Variants in CYP2S1 observed in about 807,000 individuals in gnomAD.
The protein encoded by CYP2S1 is cytochrome P450 2S1.
A neutral mutation model predicts 43.5 loss-of-function variants in CYP2S1; 32 were observed. The ratio of observed to expected loss-of-function variants is 0.74; its 90% confidence interval spans 0.56 to 0.99. CYP2S1 has a LOEUF of 0.99. Ranked by LOEUF, CYP2S1 falls within the 50% of genes least tolerant of loss-of-function variation. The pLI is 0.00. For synonymous variants in CYP2S1, 283 were observed against 302.9 expected (o/e 0.93, Z 0.68); for missense variants, 575 against 673.9 (o/e 0.85, Z 1.62).
rs765304354 is a variant in CYP2S1 at position 41,198,752 on chromosome 19, C to A, written c.698C>A (p.Pro233His). The A allele has an allele frequency of 1.2e-6, 2 of 1,614,096 alleles. No homozygotes were observed. Among genetic ancestry groups the A allele is most frequent in the Non-Finnish European group, 1.7e-6 (2 of 1,180,038 alleles). The change falls in exon 5 of 9, where the codon CCC (proline) becomes CAC (histidine). Residue 233 changes from proline (P) to histidine (H), a missense_variant. This residue lies in a region of CYP2S1 where 353 missense variants were observed against 367.6 expected (regional missense o/e 0.96). Coordinates refer to ENST00000310054, the MANE Select transcript of CYP2S1 (RefSeq NM_030622.8). The surrounding 1 kb of genome is among the most constrained non-coding windows in gnomAD (Gnocchi z 4.9). ...FSWFLRPLPG[P>H]HKQLLHHVST... ...TGGTTCCTGCGGCCCCTGCCAGGCC[C>A]CCACAAGCAGCTCCTCCACCACGTC... is the stretch of plus-strand genomic sequence containing the variant.
rs2033589043 is a variant in CYP2S1 at position 41,206,893 on chromosome 19, C to T, written c.*405C>T. The stretch of plus-strand genomic sequence containing the variant: ...TCACACGCCCTCTCCATTCATCGAA[C>T]TTCTCAGTGTCCCTGTCCCTGGTGC... On this transcript the variant is annotated 3_prime_UTR_variant, in exon 9 of 9. Transcript: ENST00000310054. 1 of 421,574 alleles carries T rather than the reference C, an allele frequency of 2.4e-6. No individual in the cohort carries two copies. The highest frequency in any genetic ancestry group is 2.0e-5 in the African/African-American group (1 of 49,754). The allele number at this position is 421,574 out of a possible 1,614,324, so 26.1% of individuals were successfully genotyped here.
rs2033573002 is a variant in CYP2S1, at chr19:41,206,088, C to T, written c.1295C>T (p.Pro432Leu). 6.2e-7 allele frequency: 1 copy of T among 1,613,870 alleles called. No homozygotes were observed. Among genetic ancestry groups the T allele is most frequent in the African/African-American group, 1.3e-5 (1 of 74,868 alleles). Residue 432 changes from proline to leucine, a missense_variant, in exon 8 of 9, where the codon CCC becomes CTC. Pro to Leu is a moderately conservative substitution (Grantham distance 98, BLOSUM62 -3). Coordinates refer to ENST00000310054, the MANE Select transcript of CYP2S1 (RefSeq NM_030622.8). Reference protein sequence around the residue: ...GRFRKHEAFLPFSLGKRVCLG... With the variant: ...GRFRKHEAFLLFSLGKRVCLG... ...TTCAGGAAGCATGAGGCGTTCCTGC[C>T]CTTCTCCTTAGGTATCTGCTGCAGC...
At position 41,206,413 on chromosome 19, in the gene CYP2S1, C is replaced by A. The variant is rs1281753525; in HGVS notation, c.1440C>A (p.Gly480=). ...TGAGCCTCAAGCCCACCGTCAGTGG[C>A]CTTTTCAACATTCCCCCAGCCTTCC... The part of the protein sequence containing the change: ...DTLSLKPTVS[G]LFNIPPAFQL... Residue 480 remains glycine (G), a synonymous_variant, in exon 9 of 9, where the codon GGC becomes GGA. Coordinates refer to ENST00000310054, the MANE Select transcript of CYP2S1 (RefSeq NM_030622.8). The A allele has an allele frequency of 6.2e-7, 1 of 1,614,168 alleles. No homozygotes were observed. The highest frequency in any genetic ancestry group is 1.3e-5 in the African/African-American group (1 of 75,024).
At chr19:41,200,947 G>A (rs755312258) in intron 5 of CYP2S1, among the ~76,000 whole-genome samples, 1 of 152,126 alleles carries the variant, frequency 6.6e-6, no homozygotes, top group Non-Finnish European at 1.5e-5. Flanking sequence ...GCATGGTGGT[G>A]CGCACCTGTA....
chr19:41,195,536 C>A (rs1451659126), intron 2 of CYP2S1, among the ~76,000 whole-genome samples: 1 of 151,700 alleles, frequency 6.6e-6, no homozygotes, highest in Admixed American at 6.6e-5. Flanking sequence ...GGGGTCAGGG[C>A]AAGAGGGGTC....
intron 8 of CYP2S1, 66 bp from the exon 9 acceptor site, chr19:41,206,214 T>A (rs1458312354): frequency 6.2e-7 from 1 of 1,611,280 alleles, no homozygotes; most frequent in Non-Finnish European, 8.5e-7. Context: ...CCACCTGCTG[T>A]TCCCCCCGTG....
chr19:41,204,634 G>C (rs539498162), intron 7 of CYP2S1, among the ~76,000 whole-genome samples: 1 of 118,584 alleles, frequency 8.4e-6, no homozygotes, highest in East Asian at 2.6e-4. Flanking sequence ...GTCTCGCTCT[G>C]TTGCCCAGGC....
intron 1 of CYP2S1, 57 bp downstream of exon 1, chr19:41,193,498 C>G: frequency 7.2e-7 from 1 of 1,388,256 alleles, no homozygotes; most frequent in Non-Finnish European, 9.4e-7. Context: ...GGAGAGAAAC[C>G]CGAGTGCCAG....
At chr19:41,201,478 G>A in intron 6 of CYP2S1, 106 bp downstream of exon 6, 2 of 1,466,592 alleles carry the variant, frequency 1.4e-6, no homozygotes, top group Non-Finnish European at 9.1e-7. Flanking sequence ...GGCTGAGGCG[G>A]GCTGATCACT....
chr19:41,195,978 T>C lies in CYP2S1; in HGVS notation c.343+1269T>C, dbSNP rs192140573. On this transcript the variant is annotated intron_variant, in intron 2 of 8. Transcript: ENST00000310054. The stretch of plus-strand genomic sequence containing the variant: ...AGGCAGATATGGTGTCCTCTCCTAC[T>C]GTGGGAGAGGCGGGCTTATACTGCA... Among the ~76,000 whole-genome samples, 329 of 152,098 alleles carry C rather than the reference T, an allele frequency of 2.2e-3. 1 individual carries two copies. The highest frequency in any genetic ancestry group is 7.4e-3 in the African/African-American group (309 of 41,480).
intron 2 of CYP2S1, among the ~76,000 whole-genome samples, chr19:41,196,343 GA>G (rs1320771995): frequency 3.9e-5 from 6 of 152,290 alleles, no homozygotes; most frequent in African/African-American, 1.4e-4. Context: ...CAGGGCCTGT[GA>G]GTCACGTCAG....
rs781159687 is a variant in CYP2S1 at position 41,205,382 on chromosome 19, C to CTTTCTTTCTTTCTTTCTT, written c.1165-575_1165-574insTTCTTTCTTTCTTTCTTT. Among the ~76,000 whole-genome samples the CTTTCTTTCTTTCTTTCTT allele has an allele frequency of 3.1e-3, 223 of 72,224 alleles. 1 individual carries two copies. Among genetic ancestry groups the CTTTCTTTCTTTCTTTCTT allele is most frequent in the African/African-American group, 0.015 (208 of 13,982 alleles). 47.4% of individuals were successfully genotyped at this position (72,224 alleles called of 152,430 possible). On this transcript the variant is annotated intron_variant, in intron 7 of 8. Coordinates refer to ENST00000310054, the MANE Select transcript of CYP2S1 (RefSeq NM_030622.8). ...TCTTTCTTTCTTTCTTTCTTTCTTTCTCTCTCTCTCTTTCTTTCTCTCTTT... is the reference window on the plus strand; with the variant it reads ...TCTTTCTTTCTTTCTTTCTTTCTTTCTTTCTTTCTTTCTTTCTTTCTCTCTCTCTTTCTTTCTCTCTTT...
At chr19:41,195,623 C>G (rs338598) in intron 2 of CYP2S1, among the ~76,000 whole-genome samples, 1 of 151,768 alleles carries the variant, frequency 6.6e-6, no homozygotes, top group Non-Finnish European at 1.5e-5. Flanking sequence ...GGTGAGGGAG[C>G]TTCAGGAAGT....
chr19:41,206,813 G>A lies in CYP2S1; in HGVS notation c.*325G>A. The A allele has an allele frequency of 1.9e-6, 1 of 532,328 alleles. No individual in the cohort carries two copies. Among genetic ancestry groups the A allele is most frequent in the South Asian group, 1.5e-5 (1 of 65,462 alleles). The allele number at this position is 532,328 out of a possible 1,614,324, so 33.0% of individuals were successfully genotyped here. Reference sequence around the variant, plus strand: ...TCCCCTGGATCTGCAGCCCACACGTGGGAGTCTGGCTGTCACCTTCACAAG... The same window carrying A: ...TCCCCTGGATCTGCAGCCCACACGTAGGAGTCTGGCTGTCACCTTCACAAG... On this transcript the variant is annotated 3_prime_UTR_variant, in exon 9 of 9. Transcript: ENST00000310054.
In CYP2S1 at chr19:41,203,542, C is replaced by T. The variant is rs1268857242; in HGVS notation, c.1069C>T (p.Leu357=). Residue 357 remains leucine, a synonymous_variant, in exon 7 of 9, where the codon CTG becomes TTG. Transcript: ENST00000310054. ...CCGCCTCCCTTACACCGACGCGGTT[C>T]TGCATGAGGCGCAGCGGCTGCTGGC... ...RTRLPYTDAV[L]HEAQRLLALV... The T allele has an allele frequency of 6.3e-7, 1 of 1,594,820 alleles. No homozygotes were observed. Among genetic ancestry groups the T allele is most frequent in the Non-Finnish European group, 8.5e-7 (1 of 1,171,032 alleles).
In CYP2S1 at chr19:41,197,087, C is replaced by T. The variant is rs1016284901; in HGVS notation, c.344-692C>T. Among the ~76,000 whole-genome samples, 3 of 151,972 alleles carry T rather than the reference C, an allele frequency of 2.0e-5. No individual in the cohort carries two copies. The South Asian group carries it at 6.2e-4, about 32-fold the overall frequency. On this transcript the variant is annotated intron_variant, in intron 2 of 8. Transcript: ENST00000310054. ...GCATATGCCTGTAATCCCAGCTAGT[C>T]GGGAAGCTGAGGCAGGAGAATCGCT...
At position 41,193,424 on chromosome 19, in the gene CYP2S1, T is replaced by G. The variant is rs2033367946; in HGVS notation, c.160T>G (p.Tyr54Asp). ...CCTGCAGCTACGGCCCGGGGCGCTG[T>G]ATTCAGGGCTCATGCGGGTAAGGGG... ...NLLQLRPGAL[Y>D]SGLMRLSKKY... Residue 54 changes from tyrosine to aspartate, a missense_variant, in exon 1 of 9, where the codon TAT becomes GAT. Tyr to Asp is a radical substitution (Grantham distance 160). This residue lies in a region of CYP2S1 where 353 missense variants were observed against 367.6 expected (regional missense o/e 0.96). Coordinates refer to ENST00000310054, the MANE Select transcript of CYP2S1 (RefSeq NM_030622.8). 5 of 1,476,264 alleles carry G rather than the reference T, an allele frequency of 3.4e-6. No individual in the cohort carries two copies. Among genetic ancestry groups the G allele is most frequent in the Non-Finnish European group, 4.5e-6 (5 of 1,109,696 alleles). 91.4% of individuals were successfully genotyped at this position (1,476,264 alleles called of 1,614,324 possible).
chr19:41,203,922 C>T (rs1203716130), intron 7 of CYP2S1, among the ~76,000 whole-genome samples: 1 of 151,880 alleles, frequency 6.6e-6, no homozygotes, highest in Non-Finnish European at 1.5e-5. Context: ...AGTGCAATGG[C>T]GTGATCTCAG....
At chr19:41,194,736 G>T (rs186934837) in intron 2 of CYP2S1, 27 bp downstream of exon 2, 3 of 1,588,950 alleles carry the variant, frequency 1.9e-6, no homozygotes, top group South Asian at 2.3e-5. Flanking sequence ...TAGGCCCTCC[G>T]CTCACAGCCT....
Sources: allele counts gnomAD v4.1 joint callset (sites outside exome capture counted in the v4.1 genomes callset), GRCh38; gene constraint gnomAD v4.1.1; regional missense constraint gnomAD v4.1.1; non-coding constraint Gnocchi (gnomAD v3.1); transcripts MANE v1.5; gene names NCBI Gene and HGNC (gene_info 2026-07-23, HGNC 2026-07-21).